CHMP4C: variants seen among roughly 807,000 people sequenced by gnomAD.
The protein encoded by CHMP4C is charged multivesicular body protein 4C.
A neutral mutation model predicts 29.0 loss-of-function variants in CHMP4C; 28 were observed. That is an observed-to-expected ratio of 0.97 (90% confidence interval 0.72 to 1.32). CHMP4C has a LOEUF of 1.32. Among genes scored for constraint, CHMP4C ranks in the 40% most tolerant of loss-of-function variants. CHMP4C has a pLI of 0.00. For synonymous variants in CHMP4C, 106 were observed against 102.4 expected (o/e 1.04, Z -0.21); for missense variants, 291 against 281.0 (o/e 1.04, Z -0.25).
At chr8:81,749,618 C>T (rs73285802) in intron 1 of CHMP4C, among the ~76,000 whole-genome samples, 2,940 of 152,224 alleles carry the variant, frequency 0.019, 96 homozygotes, top group African/African-American at 0.067. Flanking sequence ...AGCTCTAGAC[C>T]TACGTTTTAA....
chr8:81,756,810 A>G (rs1272714753), intron 3 of CHMP4C, among the ~76,000 whole-genome samples: 1 of 152,048 alleles, frequency 6.6e-6, no homozygotes, highest in South Asian at 2.1e-4. Flanking sequence ...TGCCATTACT[A>G]TATTTATGGT....
rs574026401 is a variant in CHMP4C, at chr8:81,740,967, T to A, written c.190+8151T>A. Among the ~76,000 whole-genome samples the A allele has an allele frequency of 5.9e-5, 9 of 152,312 alleles. No homozygotes were observed. In the South Asian group the frequency reaches 1.9e-3, roughly 32 times the overall value. On this transcript the variant is annotated intron_variant, in intron 1 of 4. Coordinates refer to ENST00000297265, the MANE Select transcript of CHMP4C (RefSeq NM_152284.4). The stretch of plus-strand genomic sequence containing the variant: ...CAGCAACCAAAAGAAAAGAAGCCTA[T>A]GAAATTATTTTGGTATTTTTCATAG...
At position 81,758,640 on chromosome 8, in the gene CHMP4C, A is replaced by G; in HGVS notation, c.*96A>G. On this transcript the variant is annotated 3_prime_UTR_variant, in exon 5 of 5. Coordinates refer to ENST00000297265, the MANE Select transcript of CHMP4C (RefSeq NM_152284.4). ...CAGAAGTTAACAAAGACTCTGCTTTATAATTATATTGAATGAATAATTGTG... is the reference window on the plus strand; with the variant it reads ...CAGAAGTTAACAAAGACTCTGCTTTGTAATTATATTGAATGAATAATTGTG... 2 of 812,516 alleles carry G rather than the reference A, an allele frequency of 2.5e-6. No homozygotes were observed. Among genetic ancestry groups the G allele is most frequent in the African/African-American group, 3.5e-5 (2 of 57,464 alleles). 50.3% of individuals were successfully genotyped at this position (812,516 alleles called of 1,614,324 possible).
At chr8:81,743,090 T>C (rs1449452624) in intron 1 of CHMP4C, among the ~76,000 whole-genome samples, 5 of 152,034 alleles carry the variant, frequency 3.3e-5, no homozygotes, top group African/African-American at 1.2e-4. Flanking sequence ...CCACAGACAG[T>C]GAGAACTGAG....
chr8:81,751,714 G>A (rs1263603187), intron 1 of CHMP4C, among the ~76,000 whole-genome samples: 1 of 152,036 alleles, frequency 6.6e-6, no homozygotes, highest in African/African-American at 2.4e-5. Flanking sequence ...AAACAGTACT[G>A]ATAGCATAGC....
intron 1 of CHMP4C, among the ~76,000 whole-genome samples, chr8:81,752,109 C>A (rs776232919): frequency 6.6e-6 from 1 of 151,968 alleles, no homozygotes; most frequent in African/African-American, 2.4e-5. Context: ...AAGAAATGGA[C>A]GAAAACAGTT....
In CHMP4C at chr8:81,755,441, A is replaced by C; in HGVS notation, c.440A>C (p.Glu147Ala). Residue 147 changes from glutamate (E) to alanine (A), a missense_variant, in exon 3 of 5, where the codon GAA becomes GCA. Glu to Ala is a moderately radical substitution (Grantham distance 107). Transcript: ENST00000297265. ...EQQDIAQEIS[E>A]AFSQRVGFGD... Reference sequence around the variant, plus strand: ...CAGGATATCGCCCAAGAAATCTCAGAAGCATTTTCTCAACGGGTTGGCTTT... The same window carrying C: ...CAGGATATCGCCCAAGAAATCTCAGCAGCATTTTCTCAACGGGTTGGCTTT... 6.2e-7 allele frequency: 1 copy of C among 1,612,528 alleles called. No individual in the cohort carries two copies. Among genetic ancestry groups the C allele is most frequent in the Non-Finnish European group, 8.5e-7 (1 of 1,178,828 alleles).
At chr8:81,741,247 G>T (rs114230282) in intron 1 of CHMP4C, among the ~76,000 whole-genome samples, 3,551 of 152,036 alleles carry the variant, frequency 0.023, 133 homozygotes, top group African/African-American at 0.081. Flanking sequence ...AGGATGAAAG[G>T]CACCACATTT....
intron 1 of CHMP4C, among the ~76,000 whole-genome samples, chr8:81,742,640 C>T (rs866612262): frequency 4.6e-5 from 7 of 152,262 alleles, no homozygotes; most frequent in East Asian, 1.9e-4. Context: ...GCAGCAGTAA[C>T]GTTGTTTAAC....
chr8:81,749,308 C>A (rs1808867978), intron 1 of CHMP4C, among the ~76,000 whole-genome samples: 1 of 152,194 alleles, frequency 6.6e-6, no homozygotes, highest in Non-Finnish European at 1.5e-5. Context: ...TCTTGGGATT[C>A]TTGTGAGAAT....
At chr8:81,740,538 C>T (rs1314088318) in intron 1 of CHMP4C, among the ~76,000 whole-genome samples, 1 of 152,148 alleles carries the variant, frequency 6.6e-6, no homozygotes, top group Non-Finnish European at 1.5e-5. Flanking sequence ...TGGGAACCCC[C>T]GGAGCTAAGG....
chr8:81,739,422 G>GGGGGC (rs1554592462), intron 1 of CHMP4C, among the ~76,000 whole-genome samples: 2 of 143,358 alleles, frequency 1.4e-5, no homozygotes, highest in Non-Finnish European at 3.1e-5. Flanking sequence ...GGATTGTGGG[G>GGGGGC]GGGGGTGGAA....
rs113552911 is a variant in CHMP4C, at chr8:81,758,741, A to G, written c.*197A>G. The G allele has an allele frequency of 0.015, 8,508 of 560,172 alleles. 543 individuals are homozygous for G. The highest frequency in any genetic ancestry group is 0.14 in the African/African-American group (7,471 of 52,866). 34.7% of individuals were successfully genotyped at this position (560,172 alleles called of 1,614,324 possible). A position where few individuals can be genotyped will look rare whatever the true frequency, so the allele number is the denominator to read the frequency against. ...ATCAGTGATGGAGGCCAGGCACGGT[A>G]TCTCATGCCTATAATCCCAGCACTT... is the stretch of plus-strand genomic sequence containing the variant. On this transcript the variant is annotated 3_prime_UTR_variant, in exon 5 of 5. Transcript: ENST00000297265.
chr8:81,752,313 G>T (rs978738248), intron 1 of CHMP4C, among the ~76,000 whole-genome samples: 1 of 151,902 alleles, frequency 6.6e-6, no homozygotes, highest in African/African-American at 2.4e-5. Context: ...GCTTTTTTTG[G>T]TTGCCTTCCA....
At chr8:81,733,016 C>A in intron 1 of CHMP4C, 200 bp downstream of exon 1, 1 of 414,856 alleles carries the variant, frequency 2.4e-6, no homozygotes, top group Non-Finnish European at 4.3e-6. Flanking sequence ...TGTAAGGGGC[C>A]GCCAAAAATC....
rs1035954516 is a variant in CHMP4C at position 81,736,137 on chromosome 8, A to G, written c.190+3321A>G. Among the ~76,000 whole-genome samples the G allele has an allele frequency of 6.1e-5, 7 of 115,218 alleles. No individual in the cohort carries two copies. The South Asian group carries it at 8.6e-4, about 14-fold the overall frequency. 75.6% of individuals were successfully genotyped at this position (115,218 alleles called of 152,430 possible). On this transcript the variant is annotated intron_variant, in intron 1 of 4. Coordinates refer to ENST00000297265, the MANE Select transcript of CHMP4C (RefSeq NM_152284.4). The stretch of plus-strand genomic sequence containing the variant: ...TAAATAAATAAATAAATAAATAAAT[A>G]AATGTTAGAAACGGGATCTCACTGG...
chr8:81,737,317 C>T (rs1269504828), intron 1 of CHMP4C, among the ~76,000 whole-genome samples: 2 of 152,058 alleles, frequency 1.3e-5, no homozygotes, highest in African/African-American at 4.8e-5. Flanking sequence ...TGATTCTGAC[C>T]TGTGGGCCAG....
At chr8:81,735,223 T>A (rs1808672605) in intron 1 of CHMP4C, among the ~76,000 whole-genome samples, 2 of 152,130 alleles carry the variant, frequency 1.3e-5, no homozygotes, top group South Asian at 4.1e-4. Flanking sequence ...TCATTAACTC[T>A]GTCTTCAGAA....
chr8:81,743,363 CATACTT>C (rs1170310068), intron 1 of CHMP4C, among the ~76,000 whole-genome samples: 6 of 151,724 alleles, frequency 4.0e-5, no homozygotes, highest in East Asian at 1.9e-4. Context: ...AATATGGCTT[CATACTT>C]ATACTTAAAA....
Sources: allele counts gnomAD v4.1 joint callset (sites outside exome capture counted in the v4.1 genomes callset), GRCh38; gene constraint gnomAD v4.1.1; transcripts MANE v1.5; gene names NCBI Gene and HGNC (gene_info 2026-07-23, HGNC 2026-07-21).